The following ABI1 variants were observed in gnomAD, a reference collection of about 807,000 sequenced individuals.
ABI1 encodes Abelson interactor 1.
A neutral mutation model predicts 54.6 loss-of-function variants in ABI1; 14 were observed. The observed-to-expected ratio is 0.26, with a 90% confidence interval of 0.17 to 0.40. ABI1 has a LOEUF of 0.40. Ranked by LOEUF, ABI1 falls within the 10% of genes least tolerant of loss-of-function variation. ABI1 has a pLI of 1.00. For synonymous variants in ABI1, 194 were observed against 209.3 expected, an observed-to-expected ratio of 0.93 and a Z score of 0.63; for missense variants, 443 against 598.3, an observed-to-expected ratio of 0.74 and a Z score of 2.71.
At chr10:26,810,204 C>A (rs779298394) in intron 2 of ABI1, among the ~76,000 whole-genome samples, 4 of 152,084 alleles carry the variant, frequency 2.6e-5, no homozygotes, top group Non-Finnish European at 5.9e-5. Context: ...CTGCAGTACC[C>A]CACTGGTGTC....
At chr10:26,838,263 C>T (rs191544176) in intron 1 of ABI1, among the ~76,000 whole-genome samples, 1 of 152,160 alleles carries the variant, frequency 6.6e-6, no homozygotes, top group East Asian at 1.9e-4. Context: ...ACCTCGTGAT[C>T]CACCCACCTC....
intron 2 of ABI1, among the ~76,000 whole-genome samples, chr10:26,815,871 A>G (rs555837010): frequency 6.6e-6 from 1 of 152,324 alleles, no homozygotes; most frequent in Non-Finnish European, 1.5e-5. Flanking sequence ...TGACTGTGCC[A>G]CTGCACTCCA....
chr10:26,776,909 C>T, intron 3 of ABI1, 156 bp downstream of exon 3: 2 of 656,700 alleles, frequency 3.0e-6, no homozygotes, highest in Non-Finnish European at 4.8e-6. Context: ...AAAATTGCAC[C>T]CCAACCTTAG....
intron 1 of ABI1, among the ~76,000 whole-genome samples, chr10:26,823,626 A>G (rs569684970): frequency 1.3e-5 from 2 of 152,282 alleles, no homozygotes; most frequent in East Asian, 3.9e-4. Context: ...TTACATCATA[A>G]GGACTTTACT....
intron 1 of ABI1, among the ~76,000 whole-genome samples, chr10:26,825,379 GGCCGGGT>G (rs2048245102): frequency 1.3e-5 from 2 of 151,934 alleles, no homozygotes; most frequent in Admixed American, 6.6e-5. Flanking sequence ...AATTTTTTTT[GGCCGGGT>G]GCCATGGCTC....
chr10:26,846,612 G>A (rs2049999700), intron 1 of ABI1, among the ~76,000 whole-genome samples: 1 of 151,948 alleles, frequency 6.6e-6, no homozygotes, highest in South Asian at 2.1e-4. Context: ...CAAAGTGCTG[G>A]GATTACAGGC....
intron 2 of ABI1, among the ~76,000 whole-genome samples, chr10:26,803,250 C>T (rs2046676233): frequency 5.9e-5 from 9 of 152,074 alleles, no homozygotes; most frequent in Admixed American, 5.9e-4. Context: ...AAAACTAGAG[C>T]AGCAAGGGGA....
chr10:26,769,549 G>A (rs1218880251), intron 5 of ABI1, among the ~76,000 whole-genome samples: 1 of 151,520 alleles, frequency 6.6e-6, no homozygotes. Context: ...ACTGATTGTT[G>A]AACAACCCCT....
At chr10:26,816,066 G>T (rs187543853) in intron 2 of ABI1, among the ~76,000 whole-genome samples, 97 of 152,282 alleles carry the variant, frequency 6.4e-4, no homozygotes, top group African/African-American at 2.1e-3. Context: ...GTTTATTGGT[G>T]AATGGTCTCT....
intron 1 of ABI1, among the ~76,000 whole-genome samples, chr10:26,840,058 T>C (rs1052315103): frequency 1.2e-4 from 18 of 152,254 alleles, no homozygotes; most frequent in South Asian, 1.0e-3. Context: ...AAGTACCTTG[T>C]CCTTCCATCG....
intron 2 of ABI1, among the ~76,000 whole-genome samples, chr10:26,796,149 G>A (rs942136755): frequency 1.3e-5 from 2 of 152,100 alleles, no homozygotes; most frequent in African/African-American, 4.8e-5. Context: ...TGGTTACCAT[G>A]GTTATTTTGG....
intron 2 of ABI1, among the ~76,000 whole-genome samples, chr10:26,798,532 C>A (rs1476359851): frequency 2.0e-5 from 3 of 152,018 alleles, no homozygotes; most frequent in Non-Finnish European, 4.4e-5. Context: ...GAACACAGCC[C>A]TATCCACATA....
intron 1 of ABI1, among the ~76,000 whole-genome samples, chr10:26,828,316 A>G (rs934931051): frequency 2.0e-5 from 3 of 152,236 alleles, no homozygotes; most frequent in Non-Finnish European, 4.4e-5. Context: ...TATCACCATA[A>G]CAGATACAGT....
At position 26,747,330 on chromosome 10, in the gene ABI1, A is replaced by C; in HGVS notation, c.*1240T>G. ...AATTAAGAGGAGACACACAAAGTGC[A>C]TGTGTTGCATTTTGATTATGTCAAA... On this transcript the variant is annotated 3_prime_UTR_variant, in exon 11 of 11. Transcript: ENST00000376140. 4.4e-6 allele frequency: 1 copy of C among 225,720 alleles called. No homozygotes were observed. Among genetic ancestry groups the C allele is most frequent in the Non-Finnish European group, 8.8e-6 (1 of 113,274 alleles). The allele number at this position is 225,720 out of a possible 1,614,324, so 14.0% of individuals were successfully genotyped here. A position where few individuals can be genotyped will look rare whatever the true frequency, so the allele number is the denominator to read the frequency against.
chr10:26,758,578 C>A (rs1181763273), intron 8 of ABI1, among the ~76,000 whole-genome samples: 1 of 152,184 alleles, frequency 6.6e-6, no homozygotes, highest in Non-Finnish European at 1.5e-5. Context: ...GCAGGCATCA[C>A]AAACAGTTTT....
At chr10:26,806,686 T>C (rs1271476601) in intron 2 of ABI1, among the ~76,000 whole-genome samples, 8 of 152,222 alleles carry the variant, frequency 5.3e-5, no homozygotes, top group African/African-American at 1.7e-4. Context: ...ATAGTTAGAA[T>C]GGTTTCTATC....
chr10:26,773,215 C>CTT lies in ABI1; in HGVS notation c.463-2128_463-2127dup, dbSNP rs58739177. On this transcript the variant is annotated intron_variant, in intron 3 of 10. Transcript: ENST00000376140. ...AGGCACTAAATGTCTAATGCTAATT[C>CTT]TTTTTTTTTTTTTGCTGGCTCTGTT... 1.4e-4 allele frequency among the ~76,000 whole-genome samples: 13 copies of CTT among 92,528 alleles called. 1 individual carries two copies. Among genetic ancestry groups the CTT allele is most frequent in the Admixed American group, 9.0e-4 (7 of 7,772 alleles). The allele number at this position is 92,528 out of a possible 152,430, so 60.7% of individuals were successfully genotyped here. A position where few individuals can be genotyped will look rare whatever the true frequency, so the allele number is the denominator to read the frequency against.
intron 8 of ABI1, among the ~76,000 whole-genome samples, chr10:26,756,656 A>G (rs1055173147): frequency 6.6e-6 from 1 of 152,180 alleles, no homozygotes; most frequent in African/African-American, 2.4e-5. Flanking sequence ...GTAAACATTC[A>G]TATGTTTGTG....
rs1363221359 is a variant in ABI1, at chr10:26,755,869, C to G, written c.998-128G>C. 7.1e-6 allele frequency: 4 copies of G among 560,762 alleles called. No homozygotes were observed. The East Asian group carries it at 1.2e-4, about 17-fold the overall frequency. 34.7% of individuals were successfully genotyped at this position (560,762 alleles called of 1,614,324 possible). A position where few individuals can be genotyped will look rare whatever the true frequency, so the allele number is the denominator to read the frequency against. ...TGCAAAGAACAGTTTGCAAATGAAA[C>G]AAAACAAAACAAAAAACAAAACAAA... On this transcript the variant is annotated intron_variant, in intron 8 of 10. Coordinates refer to ENST00000376140, the MANE Select transcript of ABI1 (RefSeq NM_001012750.3).
Sources: allele counts gnomAD v4.1 joint callset (sites outside exome capture counted in the v4.1 genomes callset), GRCh38; gene constraint gnomAD v4.1.1; transcripts MANE v1.5; gene names NCBI Gene and HGNC (gene_info 2026-07-23, HGNC 2026-07-21).